TBC1D12: variants seen among roughly 807,000 people sequenced by gnomAD.
The protein encoded by TBC1D12 is TBC1 domain family, member 12.
A neutral mutation model predicts 86.7 loss-of-function variants in TBC1D12; 56 were observed. The ratio of observed to expected loss-of-function variants is 0.65; its 90% CI spans 0.52 to 0.81. The LOEUF is 0.81. Ranked by LOEUF, TBC1D12 falls within the 30% of genes least tolerant of loss-of-function variation. The pLI is 0.00. For missense variants in TBC1D12, 1,023 were observed against 1,038.8 expected (o/e 0.98, Z 0.21); for synonymous variants, 421 against 411.7 (o/e 1.02, Z -0.27).
At chr10:94,417,798 G>A (rs1321518175) in intron 1 of TBC1D12, among the ~76,000 whole-genome samples, 1 of 150,590 alleles carries the variant, frequency 6.6e-6, no homozygotes, top group Non-Finnish European at 1.5e-5. Context: ...GCCCAGGCTG[G>A]AGTGCAGTGG....
At chr10:94,525,754 T>C (rs184485806) in intron 11 of TBC1D12, among the ~76,000 whole-genome samples, 45 of 152,138 alleles carry the variant, frequency 3.0e-4, no homozygotes, top group South Asian at 1.0e-3. Flanking sequence ...TCTTAAGCTA[T>C]GTGGTTTAAT....
intron 2 of TBC1D12, among the ~76,000 whole-genome samples, chr10:94,459,481 G>A (rs887414392): frequency 1.5e-4 from 23 of 152,356 alleles, no homozygotes; most frequent in East Asian, 9.7e-4. Context: ...CGCCAGTACC[G>A]CGCTGTGCGC....
intron 1 of TBC1D12, among the ~76,000 whole-genome samples, chr10:94,432,675 T>C (rs1244498323): frequency 6.6e-6 from 1 of 152,174 alleles, no homozygotes; most frequent in Non-Finnish European, 1.5e-5. Context: ...TTATTTGGCT[T>C]TGGCTTGTTT....
chr10:94,530,135 C>T (rs1235528037), intron 11 of TBC1D12, among the ~76,000 whole-genome samples: 1 of 152,120 alleles, frequency 6.6e-6, no homozygotes, highest in Non-Finnish European at 1.5e-5. Flanking sequence ...ACCCCATCAG[C>T]ACTACCTCAA....
At chr10:94,485,658 T>C (rs2056150285) in intron 3 of TBC1D12, among the ~76,000 whole-genome samples, 1 of 151,756 alleles carries the variant, frequency 6.6e-6, no homozygotes, top group African/African-American at 2.4e-5. Context: ...GTAATTTGAG[T>C]AGGATTGTTG....
intron 1 of TBC1D12, among the ~76,000 whole-genome samples, chr10:94,420,868 A>G (rs1222639789): frequency 3.9e-5 from 6 of 151,974 alleles, no homozygotes; most frequent in Admixed American, 3.9e-4. Flanking sequence ...TTCAAGTTTT[A>G]TTTTTAATTG....
At chr10:94,483,967 G>T (rs910295515) in intron 3 of TBC1D12, among the ~76,000 whole-genome samples, 1 of 152,104 alleles carries the variant, frequency 6.6e-6, no homozygotes, top group Non-Finnish European at 1.5e-5. Context: ...CGTGGTGAGA[G>T]ATAGGGGTCT....
At chr10:94,465,101 T>C (rs534426920) in intron 2 of TBC1D12, among the ~76,000 whole-genome samples, 6 of 152,364 alleles carry the variant, frequency 3.9e-5, no homozygotes, top group Non-Finnish European at 8.8e-5. Flanking sequence ...TTCTTAAAGG[T>C]AAGTTATAGT....
At chr10:94,469,469 G>A (rs2055872060) in intron 2 of TBC1D12, among the ~76,000 whole-genome samples, 1 of 80,124 alleles carries the variant, frequency 1.2e-5, no homozygotes, top group African/African-American at 4.0e-5. Context: ...TTTTTTTTGA[G>A]ATGGAGTCTC....
intron 2 of TBC1D12, among the ~76,000 whole-genome samples, chr10:94,450,247 T>G (rs1031476810): frequency 6.6e-6 from 1 of 152,138 alleles, no homozygotes; most frequent in Non-Finnish European, 1.5e-5. Flanking sequence ...AGAAGAGAAT[T>G]TCATATGTAA....
At position 94,533,675 on chromosome 10, in the gene TBC1D12, T is replaced by G. The variant is rs1842485271; in HGVS notation, c.*579T>G. ...AATGTTGGTGGGAGATTGTTTATTG[T>G]TTGTTTAGATGTTTTTCCATAGTAT... On this transcript the variant is annotated 3_prime_UTR_variant, in exon 13 of 13. Transcript: ENST00000225235. 6.6e-6 allele frequency: 1 copy of G among 152,150 alleles called. No individual in the cohort carries two copies. The highest frequency in any genetic ancestry group is 1.5e-5 in the Non-Finnish European group (1 of 68,006). The allele number at this position is 152,150 out of a possible 1,614,324, so 9.4% of individuals were successfully genotyped here. A position where few individuals can be genotyped will look rare whatever the true frequency, so the allele number is the denominator to read the frequency against.
intron 2 of TBC1D12, among the ~76,000 whole-genome samples, chr10:94,446,578 G>T (rs1434124411): frequency 6.6e-6 from 1 of 151,820 alleles, no homozygotes; most frequent in Non-Finnish European, 1.5e-5. Flanking sequence ...TTTTTGGAAT[G>T]TGGGGCTCAC....
chr10:94,532,727 C>T (rs1366915160), intron 12 of TBC1D12, among the ~76,000 whole-genome samples: 1 of 152,102 alleles, frequency 6.6e-6, no homozygotes, highest in African/African-American at 2.4e-5. Flanking sequence ...AAAAGGATAG[C>T]AGTATCACTC....
chr10:94,515,156 C>T (rs1383122432), intron 9 of TBC1D12, among the ~76,000 whole-genome samples: 2 of 151,470 alleles, frequency 1.3e-5, no homozygotes, highest in South Asian at 4.2e-4. Context: ...ATCCGCCCGC[C>T]TCGGCCTCCC....
chr10:94,478,995 C>T (rs1274371637), intron 3 of TBC1D12, among the ~76,000 whole-genome samples: 1 of 152,036 alleles, frequency 6.6e-6, no homozygotes, highest in African/African-American at 2.4e-5. Flanking sequence ...TAAGCTGTTT[C>T]TCCAATGATA....
intron 3 of TBC1D12, among the ~76,000 whole-genome samples, chr10:94,481,990 C>T (rs1259794877): frequency 1.3e-5 from 2 of 152,080 alleles, no homozygotes; most frequent in African/African-American, 4.8e-5. Context: ...TTTATTTTCT[C>T]GTTTTTCTTT....
intron 5 of TBC1D12, among the ~76,000 whole-genome samples, chr10:94,498,774 G>GT (rs796852521): frequency 7.4e-4 from 106 of 142,998 alleles, no homozygotes; most frequent in Admixed American, 1.0e-3. Flanking sequence ...TTTTTTGAGG[G>GT]TTTTTTTTTT....
chr10:94,471,180 G>A (rs909009903), intron 2 of TBC1D12, among the ~76,000 whole-genome samples: 1 of 151,770 alleles, frequency 6.6e-6, no homozygotes, highest in Non-Finnish European at 1.5e-5. Context: ...GGAGGCCAAG[G>A]CAGGAGAATG....
chr10:94,474,239 A>G lies in TBC1D12; in HGVS notation c.1096-429A>G, dbSNP rs115892587. ...AGAAGGCAATTAAGAATGTCTTCCT[A>G]AAACTTTAATTAATCTAGTGTACTT... is the stretch of plus-strand genomic sequence containing the variant. On this transcript the variant is annotated intron_variant, in intron 2 of 12. Coordinates refer to ENST00000225235, the MANE Select transcript of TBC1D12 (RefSeq NM_015188.2). Among the ~76,000 whole-genome samples, 454 of 152,276 alleles carry G rather than the reference A, an allele frequency of 3.0e-3. 3 individuals carry two copies. The highest frequency in any genetic ancestry group is 0.01 in the African/African-American group (429 of 41,564).
Sources: allele counts gnomAD v4.1 joint callset (sites outside exome capture counted in the v4.1 genomes callset), GRCh38; gene constraint gnomAD v4.1.1; transcripts MANE v1.5; gene names NCBI Gene and HGNC (gene_info 2026-07-23, HGNC 2026-07-21).